Variants in DDX19B observed in about 807,000 individuals in gnomAD.
DDX19B encodes the protein DEAD-box helicase 19B, also known as ATP-dependent RNA helicase DDX19B.
A neutral mutation model predicts 58.1 loss-of-function variants in DDX19B; 27 were observed. The ratio of observed to expected loss-of-function variants is 0.46; its 90% CI spans 0.34 to 0.64. The LOEUF (loss-of-function observed/expected upper bound fraction) is 0.64. DDX19B is among the 30% of genes least tolerant of loss of function. The pLI, the probability that DDX19B is intolerant of heterozygous loss-of-function variation, is 0.01. For synonymous variants in DDX19B, 187 were observed against 214.4 expected (o/e 0.87, Z 1.12); for missense variants, 399 against 596.5 (o/e 0.67, Z 3.45).
chr16:70,329,004 C>A (rs1963326879), intron 7 of DDX19B, among the ~76,000 whole-genome samples: 1 of 149,434 alleles, frequency 6.7e-6, no homozygotes, highest in African/African-American at 2.5e-5. Flanking sequence ...ATCACCAGGT[C>A]AGGAGTTCAA....
At chr16:70,295,031 T>TCTTA, upstream of DDX19B, 2 of 1,329,786 alleles carry the variant, frequency 1.5e-6, no homozygotes, top group South Asian at 2.0e-5. Flanking sequence ...CGGCCCAAGG[T>TCTTA]CTTAGCCTTG....
chr16:70,308,214 A>G (rs1961872652), intron 1 of DDX19B, among the ~76,000 whole-genome samples: 1 of 151,422 alleles, frequency 6.6e-6, no homozygotes, highest in Non-Finnish European at 1.5e-5. Context: ...CGGCCTCCCA[A>G]AGTGCTGGGA....
chr16:70,320,176 C>T (rs1159505101), intron 5 of DDX19B, among the ~76,000 whole-genome samples: 2 of 151,790 alleles, frequency 1.3e-5, no homozygotes, highest in African/African-American at 4.8e-5. Context: ...GCAGTGTAGT[C>T]ATAGCTCACT....
upstream of DDX19B, among the ~76,000 whole-genome samples, chr16:70,297,204 G>A (rs923783063): frequency 1.3e-5 from 2 of 151,182 alleles, no homozygotes; most frequent in South Asian, 2.1e-4. Flanking sequence ...GCAAGCCACC[G>A]TGCCCAGTCT....
upstream of DDX19B, among the ~76,000 whole-genome samples, chr16:70,296,859 A>G (rs376688073): frequency 3.3e-5 from 5 of 152,164 alleles, no homozygotes; most frequent in East Asian, 3.9e-4. Context: ...TTACTCTTAC[A>G]GTACTGGTAA....
intron 1 of DDX19B, among the ~76,000 whole-genome samples, chr16:70,302,629 G>C (rs905566927): frequency 1.3e-5 from 2 of 152,034 alleles, no homozygotes; most frequent in Non-Finnish European, 2.9e-5. Context: ...TACACAGTTT[G>C]CTTATTCTTC....
At chr16:70,317,444 T>C in intron 4 of DDX19B, 52 bp from the exon 5 acceptor site, 2 of 1,411,426 alleles carry the variant, frequency 1.4e-6, no homozygotes, top group South Asian at 1.2e-5. Flanking sequence ...GATATTTTGC[T>C]GCTTTCCTCA....
At chr16:70,309,259 G>A (rs1961945918) in intron 1 of DDX19B, among the ~76,000 whole-genome samples, 1 of 152,138 alleles carries the variant, frequency 6.6e-6, no homozygotes, top group African/African-American at 2.4e-5. Context: ...ACTTCGGGAG[G>A]CCGAGGCGGG....
chr16:70,320,261 G>A (rs771463885), intron 5 of DDX19B, among the ~76,000 whole-genome samples: 23 of 151,320 alleles, frequency 1.5e-4, no homozygotes, highest in Non-Finnish European at 3.1e-4. Flanking sequence ...GGCACGTGCT[G>A]CCATGCCTGG....
chr16:70,327,133 C>T (rs564849180), intron 7 of DDX19B, among the ~76,000 whole-genome samples: 78 of 152,092 alleles, frequency 5.1e-4, no homozygotes, highest in Admixed American at 1.6e-3. Context: ...TGCGCCTGGC[C>T]GCCTTCTTTT....
intron 1 of DDX19B, among the ~76,000 whole-genome samples, chr16:70,307,485 C>A (rs1168506090): frequency 6.6e-6 from 1 of 151,872 alleles, no homozygotes. Flanking sequence ...GCCTCAGCTT[C>A]CTAAGTAGGT....
chr16:70,293,964 A>AT (rs2152177967), upstream of DDX19B, among the ~76,000 whole-genome samples: 1 of 151,752 alleles, frequency 6.6e-6, no homozygotes, highest in East Asian at 1.9e-4. Context: ...GCATATTATA[A>AT]TTTTTTTGTC....
At chr16:70,325,530 G>C (rs1409834238) in intron 6 of DDX19B, 44 bp from the exon 7 acceptor site, 2 of 1,366,396 alleles carry the variant, frequency 1.5e-6, no homozygotes, top group Non-Finnish European at 2.1e-6. Flanking sequence ...CTTTGCAAAA[G>C]AGCTATTGTC....
At chr16:70,321,794 G>C (rs1962835062) in intron 5 of DDX19B, among the ~76,000 whole-genome samples, 1 of 152,098 alleles carries the variant, frequency 6.6e-6, no homozygotes, top group Non-Finnish European at 1.5e-5. Context: ...AGCCCTTTGG[G>C]AGGCCGAGGC....
chr16:70,325,577 C>CT lies in DDX19B; in HGVS notation c.497dup (p.Cys167MetfsTer7). On this transcript the variant is annotated frameshift_variant, in exon 7 of 12. Coordinates refer to ENST00000288071, the MANE Select transcript of DDX19B (RefSeq NM_007242.7). LOFTEE classifies it high-confidence loss of function. ...CTCTGCATTCTTTTCCTGCCAGTGTCTATGTCTCTCCCCAACGTATGAGCT... is the reference window on the plus strand; with the variant it reads ...CTCTGCATTCTTTTCCTGCCAGTGTCTTATGTCTCTCCCCAACGTATGAGCT... The CT allele has an allele frequency of 6.2e-7, 1 of 1,612,010 alleles. No individual in the cohort carries two copies. Among genetic ancestry groups the CT allele is most frequent in the Non-Finnish European group, 8.5e-7 (1 of 1,178,674 alleles).
At chr16:70,299,487 C>T in intron 1 of DDX19B, 133 bp downstream of exon 1, 1 of 1,097,150 alleles carries the variant, frequency 9.1e-7, no homozygotes, top group Non-Finnish European at 1.2e-6. Flanking sequence ...GAGCCTGGAC[C>T]CTGAGCTGGC....
chr16:70,331,229 GT>G (rs1347977826), intron 9 of DDX19B, among the ~76,000 whole-genome samples: 1 of 151,788 alleles, frequency 6.6e-6, no homozygotes, highest in Non-Finnish European at 1.5e-5. Context: ...TTTTATTTTT[GT>G]AGAGGTGGGG....
chr16:70,314,477 A>G (rs952231591), intron 2 of DDX19B, among the ~76,000 whole-genome samples: 2 of 152,070 alleles, frequency 1.3e-5, no homozygotes, highest in South Asian at 4.1e-4. Context: ...CCTGGCTAAC[A>G]TGGTGAAACC....
intron 1 of DDX19B, among the ~76,000 whole-genome samples, chr16:70,301,932 T>C (rs1302521986): frequency 1.3e-5 from 2 of 151,778 alleles, no homozygotes; most frequent in Non-Finnish European, 2.9e-5. Flanking sequence ...TTTTTTTTTT[T>C]TTTTTGAAAT....
Sources: allele counts gnomAD v4.1 joint callset (sites outside exome capture counted in the v4.1 genomes callset), GRCh38; gene constraint gnomAD v4.1.1; transcripts MANE v1.5; gene names NCBI Gene and HGNC (gene_info 2026-07-23, HGNC 2026-07-21).